SEMA3C: variants seen among roughly 807,000 people sequenced by gnomAD.
SEMA3C encodes the protein semaphorin 3C.
In SEMA3C, 47 loss-of-function variants were observed where a neutral mutation model predicts 89.4. The ratio of observed to expected loss-of-function variants is 0.53; its 90% CI spans 0.42 to 0.67. SEMA3C has a LOEUF of 0.67. Among genes scored for constraint, SEMA3C ranks in the 30% least tolerant of loss-of-function variants. The pLI is 0.00. For synonymous variants in SEMA3C, 310 were observed against 320.2 expected, an observed-to-expected ratio of 0.97 and a Z score of 0.34; for missense variants, 839 against 929.1, an observed-to-expected ratio of 0.90 and a Z score of 1.26.
chr7:80,811,295 A>G (rs1200227504), intron 5 of SEMA3C, among the ~76,000 whole-genome samples: 1 of 152,148 alleles, frequency 6.6e-6, no homozygotes, highest in Non-Finnish European at 1.5e-5. Context: ...AAAATACACT[A>G]AAATCTTTGT....
At position 80,868,606 on chromosome 7, in the gene SEMA3C, T is replaced by C. The variant is rs540314409; in HGVS notation, c.104-39861A>G. On this transcript the variant is annotated intron_variant, in intron 2 of 17. Coordinates refer to ENST00000265361, the MANE Select transcript of SEMA3C (RefSeq NM_006379.5). ...TCCAAAATACAATGCTGATTATTAATATATTATTTAATCATGTTTGTAACC... is the reference window on the plus strand; with the variant it reads ...TCCAAAATACAATGCTGATTATTAACATATTATTTAATCATGTTTGTAACC... Among the ~76,000 whole-genome samples, 9 of 152,274 alleles carry C rather than the reference T, an allele frequency of 5.9e-5. No homozygotes were observed. The East Asian group carries it at 1.7e-3, about 29-fold the overall frequency.
At chr7:80,834,601 A>G (rs1474400256) in intron 2 of SEMA3C, among the ~76,000 whole-genome samples, 1 of 152,202 alleles carries the variant, frequency 6.6e-6, no homozygotes, top group African/African-American at 2.4e-5. Flanking sequence ...AGTGATCTTA[A>G]TATTTTTGAG....
intron 3 of SEMA3C, among the ~76,000 whole-genome samples, chr7:80,827,758 A>C (rs1490566409): frequency 6.6e-6 from 1 of 152,172 alleles, no homozygotes; most frequent in African/African-American, 2.4e-5. Flanking sequence ...GATCATTATT[A>C]ACATAAATGT....
intron 2 of SEMA3C, among the ~76,000 whole-genome samples, chr7:80,858,231 C>G (rs1423003974): frequency 6.6e-6 from 1 of 152,018 alleles, no homozygotes; most frequent in Non-Finnish European, 1.5e-5. Context: ...ACTACTAGAT[C>G]ACAGTTTCTT....
rs1434406292 is a variant in SEMA3C at position 80,804,120 on chromosome 7, C to G, written c.787G>C (p.Ala263Pro). ...RSTKQIHSMI[A>P]RICPNDTGGL... The stretch of plus-strand genomic sequence containing the variant: ...TTAATACTTACAGGACATATTCGAG[C>G]AATCATGGAATGAATCTGTTTCGTG... The change falls in exon 8 of 18, where the codon GCT becomes CCT. Residue 263 changes from alanine (A) to proline (P), a missense_variant. Transcript: ENST00000265361. 1 of 1,609,500 alleles carries G rather than the reference C, an allele frequency of 6.2e-7. No homozygotes were observed.
At chr7:80,891,216 G>GAAACAGAA (rs1457851113) in intron 2 of SEMA3C, among the ~76,000 whole-genome samples, 16 of 152,136 alleles carry the variant, frequency 1.1e-4, no homozygotes, top group African/African-American at 3.6e-4. Context: ...GTCCATAAGT[G>GAAACAGAA]AAACAGAAGG....
intron 12 of SEMA3C, among the ~76,000 whole-genome samples, chr7:80,788,180 C>A (rs1788848654): frequency 6.6e-6 from 1 of 152,104 alleles, no homozygotes; most frequent in South Asian, 2.1e-4. Context: ...CATATTCCAC[C>A]ACTGCCATAT....
intron 2 of SEMA3C, among the ~76,000 whole-genome samples, chr7:80,859,849 T>G (rs960368076): frequency 1.3e-5 from 2 of 152,152 alleles, no homozygotes; most frequent in Non-Finnish European, 2.9e-5. Context: ...GAACTGAAAT[T>G]TAGCAATCTC....
At chr7:80,910,448 T>C (rs1000850541) in intron 2 of SEMA3C, among the ~76,000 whole-genome samples, 3 of 152,324 alleles carry the variant, frequency 2.0e-5, no homozygotes, top group South Asian at 2.1e-4. Context: ...AAATAGCACA[T>C]GGCTCAGCAC....
At chr7:80,826,562 T>C (rs2115804984) in intron 4 of SEMA3C, among the ~76,000 whole-genome samples, 1 of 152,180 alleles carries the variant, frequency 6.6e-6, no homozygotes, top group East Asian at 1.9e-4. Flanking sequence ...ACCAGCTCCA[T>C]GCTAGATATA....
At chr7:80,852,411 A>T (rs1790534812) in intron 2 of SEMA3C, among the ~76,000 whole-genome samples, 1 of 152,152 alleles carries the variant, frequency 6.6e-6, no homozygotes. Context: ...ACATTAGGGA[A>T]ACTCTCAGGA....
intron 2 of SEMA3C, among the ~76,000 whole-genome samples, chr7:80,911,702 C>T (rs1173963749): frequency 5.9e-5 from 9 of 151,454 alleles, no homozygotes; most frequent in Admixed American, 1.3e-4. Flanking sequence ...GGCACGACCT[C>T]GACTCACTGC....
intron 2 of SEMA3C, among the ~76,000 whole-genome samples, chr7:80,829,193 T>C (rs1789952982): frequency 6.6e-6 from 1 of 152,152 alleles, no homozygotes; most frequent in Non-Finnish European, 1.5e-5. Context: ...TTAATGGGCA[T>C]TTTAATTTAT....
At chr7:80,758,953 A>C (rs1026124650) in intron 14 of SEMA3C, among the ~76,000 whole-genome samples, 5 of 152,232 alleles carry the variant, frequency 3.3e-5, no homozygotes, top group African/African-American at 1.2e-4. Context: ...AATAGTAAGT[A>C]CTGGATGAAA....
At chr7:80,883,442 A>C (rs2116110976) in intron 2 of SEMA3C, among the ~76,000 whole-genome samples, 1 of 152,334 alleles carries the variant, frequency 6.6e-6, no homozygotes, top group Middle Eastern at 3.4e-3. Flanking sequence ...ACTGAATCAG[A>C]GGTAACTCAT....
At chr7:80,777,719 A>C (rs1027550623) in intron 12 of SEMA3C, among the ~76,000 whole-genome samples, 2 of 152,238 alleles carry the variant, frequency 1.3e-5, no homozygotes, top group African/African-American at 4.8e-5. Flanking sequence ...AGGTGCACAC[A>C]CATGCTTGCA....
chr7:80,921,564 C>T (rs1792409615), upstream of SEMA3C, among the ~76,000 whole-genome samples: 1 of 152,186 alleles, frequency 6.6e-6, no homozygotes, highest in Admixed American at 6.5e-5. Flanking sequence ...ACTGTCCTTA[C>T]AAGTGGAAAA....
chr7:80,812,331 C>T lies in SEMA3C; in HGVS notation c.448-1630G>A, dbSNP rs73372939. The stretch of plus-strand genomic sequence containing the variant: ...CAGGTGATGAAAAAATATGACTTGT[C>T]CAGAAGACCACGTAGTTAAAGGCTG... On this transcript the variant is annotated intron_variant, in intron 5 of 17. Coordinates refer to ENST00000265361, the MANE Select transcript of SEMA3C (RefSeq NM_006379.5). Among the ~76,000 whole-genome samples, 1,471 of 152,212 alleles carry T rather than the reference C, an allele frequency of 9.7e-3. 22 individuals are homozygous for T. Among genetic ancestry groups the T allele is most frequent in the African/African-American group, 0.034 (1,393 of 41,514 alleles).
intron 4 of SEMA3C, among the ~76,000 whole-genome samples, chr7:80,826,409 A>G (rs1389367157): frequency 1.3e-5 from 2 of 152,110 alleles, no homozygotes; most frequent in Non-Finnish European, 2.9e-5. Context: ...TCGTCTGTCC[A>G]CCCAATTACC....
Sources: allele counts gnomAD v4.1 joint callset (sites outside exome capture counted in the v4.1 genomes callset), GRCh38; gene constraint gnomAD v4.1.1; transcripts MANE v1.5; gene names NCBI Gene and HGNC (gene_info 2026-07-23, HGNC 2026-07-21).